The following RBFOX1 variants were observed in gnomAD, a reference collection of about 807,000 sequenced individuals.
The protein encoded by RBFOX1 is RNA binding fox-1 homolog 1, also known as RNA binding protein fox-1 homolog 1.
A neutral mutation model predicts 57.7 loss-of-function variants in RBFOX1; 8 were observed. The observed-to-expected ratio is 0.14, with a 90% CI of 0.08 to 0.25. The LOEUF is 0.25. RBFOX1 is among the 10% of genes least tolerant of loss of function. The pLI is 1.00. For synonymous variants in RBFOX1, 326 were observed against 222.4 expected (o/e 1.47, Z -4.15); for missense variants, 611 against 548.5 (o/e 1.11, Z -1.14).
At chr16:5,369,156 C>T (rs991261574) in intron 1 of RBFOX1, among the ~76,000 whole-genome samples, 2 of 152,138 alleles carry the variant, frequency 1.3e-5, no homozygotes, top group Admixed American at 6.5e-5. Flanking sequence ...CATGTGCCAC[C>T]ATGCCTGGCT....
intron 1 of RBFOX1, among the ~76,000 whole-genome samples, chr16:6,098,848 A>G (rs116169425): frequency 8.6e-4 from 131 of 152,282 alleles, no homozygotes; most frequent in African/African-American, 3.1e-3. Flanking sequence ...TTCCAGGAGC[A>G]CTAAGTGTCC....
chr16:6,296,484 G>A (rs1250666450), intron 1 of RBFOX1, among the ~76,000 whole-genome samples: 1 of 151,732 alleles, frequency 6.6e-6, no homozygotes, highest in South Asian at 2.1e-4. Flanking sequence ...GCAATGGCGG[G>A]ATCTCGGCTC....
At chr16:6,321,237 G>A (rs7197820) in intron 2 of RBFOX1, among the ~76,000 whole-genome samples, 22,913 of 152,024 alleles carry the variant, frequency 0.15, 2,099 homozygotes, top group South Asian at 0.27. Flanking sequence ...CTTTGTGTCC[G>A]GAGAGTTCAT....
chr16:5,749,824 G>C (rs984819879), intron 3 of RBFOX1, among the ~76,000 whole-genome samples: 3 of 152,162 alleles, frequency 2.0e-5, no homozygotes, highest in Non-Finnish European at 2.9e-5. Flanking sequence ...TCCTCCGTTA[G>C]TTCAGAGAAG....
At chr16:6,955,157 G>C (rs889329906) in intron 3 of RBFOX1, among the ~76,000 whole-genome samples, 2 of 151,918 alleles carry the variant, frequency 1.3e-5, no homozygotes, top group African/African-American at 2.4e-5. Flanking sequence ...AGGAGGATCA[G>C]TTGAGCCTGG....
At chr16:7,709,232 T>C (rs1259369510) in intron 15 of RBFOX1, 101 bp downstream of exon 15, 2 of 1,191,786 alleles carry the variant, frequency 1.7e-6, no homozygotes, top group African/African-American at 3.1e-5. Flanking sequence ...TTCCCGTTAA[T>C]TGAATTTGTC....
chr16:7,543,447 T>C (rs1482098487), intron 5 of RBFOX1, among the ~76,000 whole-genome samples: 1 of 152,220 alleles, frequency 6.6e-6, no homozygotes, highest in Non-Finnish European at 1.5e-5. Context: ...TCTAGGCACC[T>C]GTCCCTTGTA....
chr16:5,521,403 C>T (rs1476150604), intron 2 of RBFOX1, among the ~76,000 whole-genome samples: 3 of 152,182 alleles, frequency 2.0e-5, no homozygotes, highest in African/African-American at 7.2e-5. Flanking sequence ...TCATTCCAGC[C>T]TTGTACATTT....
rs556617541 is a variant in RBFOX1 at position 6,836,761 on chromosome 16, G to C, written c.-16+182111G>C. Among the ~76,000 whole-genome samples, 4 of 152,194 alleles carry C rather than the reference G, an allele frequency of 2.6e-5. No individual in the cohort carries two copies. The East Asian group carries it at 7.7e-4, about 29-fold the overall frequency. ...TTTATTTTCTTAAAGTATAACACCA[G>C]TTCATTACAGAAATTTCTAATTTCT... On this transcript the variant is annotated intron_variant, in intron 3 of 15. Transcript: ENST00000550418.
intron 11 of RBFOX1, among the ~76,000 whole-genome samples, chr16:7,647,606 T>C (rs112950429): frequency 0.02 from 2,991 of 152,224 alleles, 114 homozygotes; most frequent in African/African-American, 0.069. Flanking sequence ...TTGTTTGGTG[T>C]CTTTTTCCCC....
intron 1 of RBFOX1, among the ~76,000 whole-genome samples, chr16:6,105,541 T>G (rs1189793496): frequency 6.6e-6 from 1 of 152,190 alleles, no homozygotes; most frequent in Non-Finnish European, 1.5e-5. Context: ...AAAATTAACC[T>G]GTTTTAGAAA....
chr16:6,151,973 G>A (rs2096800935), intron 1 of RBFOX1, among the ~76,000 whole-genome samples: 1 of 152,190 alleles, frequency 6.6e-6, no homozygotes, highest in African/African-American at 2.4e-5. Flanking sequence ...CTCAATAGCT[G>A]AACTACTCTT....
chr16:7,198,906 G>T (rs1567673578), intron 4 of RBFOX1, among the ~76,000 whole-genome samples: 1 of 152,174 alleles, frequency 6.6e-6, no homozygotes, highest in East Asian at 1.9e-4. Context: ...TGAGTTGGCT[G>T]CCTTGTTCAC....
chr16:5,549,128 G>A (rs1392534325), intron 2 of RBFOX1, among the ~76,000 whole-genome samples: 1 of 152,188 alleles, frequency 6.6e-6, no homozygotes, highest in East Asian at 1.9e-4. Context: ...GCAGCTCACT[G>A]TACTTGCTTC....
intron 3 of RBFOX1, among the ~76,000 whole-genome samples, chr16:6,960,585 C>A (rs1294539646): frequency 6.6e-6 from 1 of 152,054 alleles, no homozygotes; most frequent in East Asian, 1.9e-4. Flanking sequence ...TTACCTCCTT[C>A]CAAACTCTGC....
At chr16:6,085,212 G>A (rs1001091042) in intron 1 of RBFOX1, among the ~76,000 whole-genome samples, 7 of 152,072 alleles carry the variant, frequency 4.6e-5, no homozygotes, top group African/African-American at 1.4e-4. Context: ...TTTCTTTCAC[G>A]TGACTTTTGG....
intron 3 of RBFOX1, among the ~76,000 whole-genome samples, chr16:6,763,122 C>G (rs2076862719): frequency 2.0e-5 from 3 of 152,192 alleles, no homozygotes; most frequent in Non-Finnish European, 2.9e-5. Context: ...TCTCCTCCAC[C>G]TCTAAAATGA....
chr16:5,968,291 T>C (rs1243009052), intron 4 of RBFOX1, among the ~76,000 whole-genome samples: 2 of 152,052 alleles, frequency 1.3e-5, no homozygotes, highest in Non-Finnish European at 2.9e-5. Context: ...GCCCGGCTGG[T>C]CTCAAACTCC....
intron 1 of RBFOX1, among the ~76,000 whole-genome samples, chr16:5,382,752 G>A (rs1437846565): frequency 6.6e-6 from 1 of 152,112 alleles, no homozygotes; most frequent in African/African-American, 2.4e-5. Flanking sequence ...TTATGTTTAA[G>A]GAAATTAAAG....
Sources: allele counts gnomAD v4.1 joint callset (sites outside exome capture counted in the v4.1 genomes callset), GRCh38; gene constraint gnomAD v4.1.1; transcripts MANE v1.5; gene names NCBI Gene and HGNC (gene_info 2026-07-23, HGNC 2026-07-21).